Variants in TADA2A observed in about 807,000 individuals in gnomAD.
TADA2A encodes transcriptional adaptor 2A.
In TADA2A, 38 loss-of-function variants were observed where a neutral mutation model predicts 67.4. The ratio of observed to expected loss-of-function variants is 0.56; its 90% CI spans 0.44 to 0.74. The LOEUF is 0.74. Among genes scored for constraint, TADA2A ranks in the 30% least tolerant of loss-of-function variants. The probability of loss-of-function intolerance (pLI) is 0.00; values close to 1 mark genes in which losing one functional copy is unlikely to be tolerated. For missense variants in TADA2A, 454 were observed against 547.0 expected, an observed-to-expected ratio of 0.83 and a Z score of 1.70; for synonymous variants, 192 against 181.6, an observed-to-expected ratio of 1.06 and a Z score of -0.46.
chr17:37,474,014 G>A (rs1304715269), intron 14 of TADA2A, among the ~76,000 whole-genome samples: 1 of 152,214 alleles, frequency 6.6e-6, no homozygotes, highest in Non-Finnish European at 1.5e-5. Flanking sequence ...AGCAGGCATT[G>A]TGTGATGTTT....
chr17:37,453,429 G>C (rs2148001909), intron 8 of TADA2A, among the ~76,000 whole-genome samples: 1 of 152,266 alleles, frequency 6.6e-6, no homozygotes, highest in East Asian at 1.9e-4. Context: ...ACTTCCAGCA[G>C]AAGTGTGGCT....
intron 2 of TADA2A, among the ~76,000 whole-genome samples, chr17:37,421,871 T>C (rs999256221): frequency 1.8e-5 from 2 of 109,650 alleles, no homozygotes; most frequent in Admixed American, 1.9e-4. Context: ...TGATGATGTG[T>C]TTTTTTATTT....
intron 9 of TADA2A, among the ~76,000 whole-genome samples, chr17:37,459,619 CACTT>C (rs1176913103): frequency 1.4e-5 from 2 of 145,330 alleles, no homozygotes; most frequent in Non-Finnish European, 3.0e-5. Flanking sequence ...CAGAGTCTCA[CACTT>C]ACTCTGTCAC....
At chr17:37,427,890 G>C (rs999608913) in intron 4 of TADA2A, among the ~76,000 whole-genome samples, 5 of 152,024 alleles carry the variant, frequency 3.3e-5, no homozygotes, top group African/African-American at 1.2e-4. Context: ...TCTGAGGCAG[G>C]AGAATCGCTT....
chr17:37,448,466 A>T (rs1467087369), intron 8 of TADA2A, among the ~76,000 whole-genome samples: 1 of 152,230 alleles, frequency 6.6e-6, no homozygotes, highest in African/African-American at 2.4e-5. Context: ...TGAAATAAGC[A>T]GAAATGTTTG....
intron 2 of TADA2A, among the ~76,000 whole-genome samples, chr17:37,413,482 G>A (rs2051941352): frequency 6.6e-6 from 1 of 152,026 alleles, no homozygotes; most frequent in Non-Finnish European, 1.5e-5. Flanking sequence ...TACTCCATCT[G>A]CTTTGTCATT....
chr17:37,418,674 C>T (rs192600324), intron 2 of TADA2A, among the ~76,000 whole-genome samples: 1 of 147,336 alleles, frequency 6.8e-6, no homozygotes, highest in African/African-American at 2.6e-5. Context: ...TCACTGCAAC[C>T]TCCCCCTCCT....
chr17:37,470,569 C>T (rs1353627789), intron 13 of TADA2A, 37 bp downstream of exon 13: 14 of 1,482,928 alleles, frequency 9.4e-6, no homozygotes, highest in Non-Finnish European at 1.3e-5. Flanking sequence ...GGCATTCTTT[C>T]TGGGATGCCT....
intron 11 of TADA2A, among the ~76,000 whole-genome samples, chr17:37,466,710 C>G (rs951756447): frequency 3.9e-5 from 6 of 152,150 alleles, no homozygotes; most frequent in Non-Finnish European, 7.3e-5. Context: ...CAGTTTGGGA[C>G]ACACCCCTGG....
rs1043101327 is a variant in TADA2A, at chr17:37,465,334, G to A, written c.713-97G>A. The A allele has an allele frequency of 5.7e-6, 5 of 877,916 alleles. No individual in the cohort carries two copies. The Admixed American group carries it at 1.4e-4, about 25-fold the overall frequency. 54.4% of individuals were successfully genotyped at this position (877,916 alleles called of 1,614,324 possible). A position where few individuals can be genotyped will look rare whatever the true frequency, so the allele number is the denominator to read the frequency against. On this transcript the variant is annotated intron_variant, in intron 10 of 15. Transcript: ENST00000615182. ...TTAGTCATATGAGGTTATGAATAATGTTCTTCCATTTTACTAATTGTAAAA... is the reference window on the plus strand; with the variant it reads ...TTAGTCATATGAGGTTATGAATAATATTCTTCCATTTTACTAATTGTAAAA...
At chr17:37,447,498 G>A (rs2053117412) in intron 8 of TADA2A, among the ~76,000 whole-genome samples, 1 of 152,054 alleles carries the variant, frequency 6.6e-6, no homozygotes, top group Non-Finnish European at 1.5e-5. Context: ...TCAGATTTGG[G>A]TATGGTTGGC....
chr17:37,432,683 A>G (rs532566717), intron 4 of TADA2A, among the ~76,000 whole-genome samples: 2 of 152,180 alleles, frequency 1.3e-5, no homozygotes, highest in Non-Finnish European at 2.9e-5. Context: ...TTCTATGTAC[A>G]TATGTTTTCA....
At chr17:37,425,259 C>G (rs2052370437) in intron 3 of TADA2A, among the ~76,000 whole-genome samples, 1 of 152,138 alleles carries the variant, frequency 6.6e-6, no homozygotes, top group Admixed American at 6.6e-5. Context: ...TTTGATGACA[C>G]TGTTTATTGT....
intron 4 of TADA2A, among the ~76,000 whole-genome samples, chr17:37,436,679 T>G (rs561201425): frequency 2.3e-4 from 35 of 151,998 alleles, no homozygotes; most frequent in Middle Eastern, 6.8e-3. Context: ...TATTATACTC[T>G]TTATGTTTCA....
chr17:37,471,289 T>C, intron 14 of TADA2A, 152 bp downstream of exon 14: 1 of 749,730 alleles, frequency 1.3e-6, no homozygotes, highest in South Asian at 1.7e-5. Flanking sequence ...AACATCAGTA[T>C]GTTTTCAGAA....
intron 8 of TADA2A, among the ~76,000 whole-genome samples, chr17:37,451,590 G>T (rs2053235217): frequency 6.6e-6 from 1 of 152,044 alleles, no homozygotes; most frequent in Admixed American, 6.6e-5. Flanking sequence ...TCAAAGTGCT[G>T]GGATTACAGG....
At chr17:37,437,352 A>G (rs1415431623) in intron 4 of TADA2A, among the ~76,000 whole-genome samples, 1 of 151,138 alleles carries the variant, frequency 6.6e-6, no homozygotes, top group Non-Finnish European at 1.5e-5. Flanking sequence ...CGACCTCCCA[A>G]AGTGCTGGGA....
rs924952970 is a variant in TADA2A at position 37,413,753 on chromosome 17, C to G, written c.25+2363C>G. The stretch of plus-strand genomic sequence containing the variant: ...GGTTGCAAAAAGATGATTCCCCCCC[C>G]ACCCCCTGCCAAATCTAGTGCTCTC... On this transcript the variant is annotated intron_variant, in intron 2 of 15. Transcript: ENST00000615182. Among the ~76,000 whole-genome samples, 9 of 152,032 alleles carry G rather than the reference C, an allele frequency of 5.9e-5. No homozygotes were observed. In the South Asian group the frequency reaches 6.2e-4, roughly 11 times the overall value.
At chr17:37,423,104 G>T (rs1190038367) in intron 2 of TADA2A, among the ~76,000 whole-genome samples, 1 of 152,156 alleles carries the variant, frequency 6.6e-6, no homozygotes, top group Non-Finnish European at 1.5e-5. Context: ...GGTGGCATGT[G>T]CCTGTAGTCC....
Sources: allele counts gnomAD v4.1 joint callset (sites outside exome capture counted in the v4.1 genomes callset), GRCh38; gene constraint gnomAD v4.1.1; transcripts MANE v1.5; gene names NCBI Gene and HGNC (gene_info 2026-07-23, HGNC 2026-07-21).